The following ERICH1 variants were observed in gnomAD, a reference collection of about 807,000 sequenced individuals.
ERICH1 encodes glutamate-rich protein 1.
Under a neutral mutation model 39.6 loss-of-function variants are expected in ERICH1, and 56 were observed. That is an observed-to-expected ratio of 1.41 (90% CI 1.14 to 1.77). The LOEUF (loss-of-function observed/expected upper bound fraction) is 1.77. Ranked by LOEUF, ERICH1 falls within the 40% of genes most tolerant of loss-of-function variation. The pLI, the probability that ERICH1 is intolerant of heterozygous loss-of-function variation, is 0.00. For missense variants in ERICH1, 826 were observed against 575.4 expected, an observed-to-expected ratio of 1.44 and a Z score of -4.45; for synonymous variants, 313 against 223.6, an observed-to-expected ratio of 1.40 and a Z score of -3.57.
rs775808425 is a variant in ERICH1 at position 679,493 on chromosome 8, G to A, written c.305-5446C>T. 1.3e-4 allele frequency among the ~76,000 whole-genome samples: 19 copies of A among 147,002 alleles called. No individual in the cohort carries two copies. In the East Asian group the frequency reaches 1.7e-3, roughly 13 times the overall value. The stretch of plus-strand genomic sequence containing the variant: ...CTCGCAGCTCTGTGAGGCCTCCAGC[G>A]TCTCCACTCCCCTGACAAGGGCATT... On this transcript the variant is annotated intron_variant, in intron 3 of 5. Transcript: ENST00000262109.
chr8:685,338 C>T (rs1389438694), intron 3 of ERICH1, among the ~76,000 whole-genome samples: 1 of 152,236 alleles, frequency 6.6e-6, no homozygotes, highest in Non-Finnish European at 1.5e-5. Context: ...GTTCCCTGAA[C>T]ATCGCTGTTA....
chr8:655,794 CT>C (rs1800587724), intron 3 of ERICH1, among the ~76,000 whole-genome samples: 1 of 33,664 alleles, frequency 3.0e-5, no homozygotes. Context: ...AAATACATTC[CT>C]GCAGAATTTC....
chr8:708,117 C>A (rs1813725226), intron 2 of ERICH1, among the ~76,000 whole-genome samples: 1 of 139,530 alleles, frequency 7.2e-6, no homozygotes, highest in African/African-American at 2.7e-5. Flanking sequence ...TGGCTATTAT[C>A]TAAAAAAAAA....
In ERICH1 at chr8:664,388, A is replaced by G. The variant is rs1463113896; in HGVS notation, c.*215T>C. 2 of 1,210,290 alleles carry G rather than the reference A, an allele frequency of 1.7e-6. No individual in the cohort carries two copies. The highest frequency in any genetic ancestry group is 2.1e-6 in the Non-Finnish European group (2 of 972,630). The allele number at this position is 1,210,290 out of a possible 1,614,324, so 75.0% of individuals were successfully genotyped here. On this transcript the variant is annotated 3_prime_UTR_variant, in exon 6 of 6. Coordinates refer to ENST00000262109, the MANE Select transcript of ERICH1 (RefSeq NM_207332.3). ...CAAGTTTTATGTAGTAATTCAAGAT[A>G]TATATAATTGCAAATAAGTGAAAAA...
intron 3 of ERICH1, among the ~76,000 whole-genome samples, chr8:655,115 G>A (rs977204090): frequency 4.6e-5 from 7 of 152,214 alleles, no homozygotes; most frequent in Admixed American, 3.9e-4. Context: ...CCAGATGCAC[G>A]ACGGGACCTC....
chr8:629,938 A>G, intron 3 of ERICH1, among the ~76,000 whole-genome samples: 1 of 124,844 alleles, frequency 8.0e-6, no homozygotes, highest in Non-Finnish European at 1.7e-5. Flanking sequence ...GACCACCCAC[A>G]CAGAGCTGAC....
At chr8:628,013 C>T (rs919986857) in intron 3 of ERICH1, among the ~76,000 whole-genome samples, 1 of 152,226 alleles carries the variant, frequency 6.6e-6, no homozygotes, top group Non-Finnish European at 1.5e-5. Flanking sequence ...GCAGGGGCGC[C>T]TTCCTGAGGA....
chr8:668,617 T>A lies in ERICH1; in HGVS notation c.1239A>T (p.Glu413Asp). ...RLKHALEMFP[E>D]HCTMPPDHAR... is the part of the protein sequence containing the mutation. ...ACTTACCAGGAGGCATCGTGCAATG[T>A]TCTGGGAACATTTCCAGAGCATGCT... Residue 413 changes from glutamate (E) to aspartate (D), a missense_variant, in exon 5 of 6, where the codon GAA becomes GAT. Transcript: ENST00000262109. 1 of 1,614,226 alleles carries A rather than the reference T, an allele frequency of 6.2e-7. No homozygotes were observed. The highest frequency in any genetic ancestry group is 8.5e-7 in the Non-Finnish European group (1 of 1,180,044).
chr8:694,643 G>A (rs1809715717), intron 2 of ERICH1, among the ~76,000 whole-genome samples: 1 of 152,236 alleles, frequency 6.6e-6, no homozygotes, highest in Non-Finnish European at 1.5e-5. Context: ...ACGCAGACAG[G>A]AGCACCACGA....
chr8:629,931 C>A (rs1448126637), intron 3 of ERICH1, among the ~76,000 whole-genome samples: 14 of 138,722 alleles, frequency 1.0e-4, no homozygotes, highest in East Asian at 2.2e-4. Context: ...CTCCCGTGAC[C>A]ACCCACACAG....
chr8:617,492 C>T (rs1796994962), intron 3 of ERICH1, among the ~76,000 whole-genome samples: 1 of 152,206 alleles, frequency 6.6e-6, no homozygotes, highest in African/African-American at 2.4e-5. Context: ...ATCCTCACTT[C>T]CCTCTGAATG....
intron 3 of ERICH1, chr8:686,806 CCTCCT>C (rs1456706491): frequency 3.3e-5 from 5 of 152,268 alleles, no homozygotes; most frequent in African/African-American, 4.8e-5. Context: ...GCGCCCCTCC[CCTCCT>C]CTAGGACCAG....
intron 2 of ERICH1, among the ~76,000 whole-genome samples, chr8:698,907 T>G (rs1195896674): frequency 1.3e-5 from 2 of 151,656 alleles, no homozygotes; most frequent in African/African-American, 2.4e-5. Flanking sequence ...GAGTTTTTTT[T>G]TTTTTTTTTT....
chr8:679,174 C>T (rs1703902), intron 3 of ERICH1, among the ~76,000 whole-genome samples: 1,548 of 147,252 alleles, frequency 0.011, 32 homozygotes, highest in African/African-American at 0.037. Flanking sequence ...CCACCCCTCA[C>T]AGCACCCACC....
At chr8:674,844 G>A (rs970377253) in intron 3 of ERICH1, among the ~76,000 whole-genome samples, 1 of 152,230 alleles carries the variant, frequency 6.6e-6, no homozygotes, top group Non-Finnish European at 1.5e-5. Flanking sequence ...TTTATAAATA[G>A]CATAGGTTGG....
chr8:664,516 C>T lies in ERICH1; in HGVS notation c.*87G>A. 1.4e-6 allele frequency: 2 copies of T among 1,440,488 alleles called. No homozygotes were observed. Among genetic ancestry groups the T allele is most frequent in the Non-Finnish European group, 1.8e-6 (2 of 1,091,976 alleles). 89.2% of individuals were successfully genotyped at this position (1,440,488 alleles called of 1,614,324 possible). On this transcript the variant is annotated 3_prime_UTR_variant, in exon 6 of 6. Transcript: ENST00000262109. ...ATATGGCATAAATGTCTTTCAAGTT[C>T]CCAGAGAACTAACTCTAAGCCCATC...
At chr8:683,241 A>C (rs1806539555) in intron 3 of ERICH1, among the ~76,000 whole-genome samples, 1 of 152,124 alleles carries the variant, frequency 6.6e-6, no homozygotes, top group Non-Finnish European at 1.5e-5. Flanking sequence ...TGCCATGTAG[A>C]AGACCTGCCA....
At chr8:699,158 C>T (rs970564537) in intron 2 of ERICH1, among the ~76,000 whole-genome samples, 2 of 152,122 alleles carry the variant, frequency 1.3e-5, no homozygotes, top group Admixed American at 6.5e-5. Context: ...AGAAACTCCC[C>T]GTGCATTTGG....
intron 3 of ERICH1, among the ~76,000 whole-genome samples, chr8:643,356 G>C (rs1799237300): frequency 6.6e-6 from 1 of 152,224 alleles, no homozygotes; most frequent in Non-Finnish European, 1.5e-5. Flanking sequence ...GGACCAACCA[G>C]AGGGAAAGGC....
Sources: gnomAD v4.1 joint callset for allele counts (sites outside exome capture counted in the v4.1 genomes callset) on GRCh38, gnomAD v4.1.1 for gene constraint, MANE v1.5 for transcripts, NCBI Gene and HGNC (gene_info 2026-07-23, HGNC 2026-07-21) for gene names.